The following NPFFR2 variants were observed in gnomAD, a reference collection of about 807,000 sequenced individuals.
The protein encoded by NPFFR2 is neuropeptide FF receptor 2.
Under a neutral mutation model 13.1 loss-of-function variants are expected in NPFFR2, and 15 were observed. The ratio of observed to expected loss-of-function variants is 1.15; its 90% CI spans 0.77 to 1.76. The LOEUF is 1.76. NPFFR2 is among the 40% of genes most tolerant of loss of function. The pLI is 0.00. For synonymous variants in NPFFR2, 190 were observed against 175.7 expected, an observed-to-expected ratio of 1.08 and a Z score of -0.65; for missense variants, 572 against 503.5, an observed-to-expected ratio of 1.14 and a Z score of -1.30.
intron 1 of NPFFR2, among the ~76,000 whole-genome samples, chr4:72,059,514 G>A (rs1280819996): frequency 6.6e-6 from 1 of 152,106 alleles, no homozygotes; most frequent in Non-Finnish European, 1.5e-5. Flanking sequence ...TAACAGGGAT[G>A]TAAGAGGAAT....
intron 1 of NPFFR2, among the ~76,000 whole-genome samples, chr4:72,058,434 C>A (rs1029213091): frequency 2.0e-5 from 3 of 151,448 alleles, no homozygotes; most frequent in Admixed American, 6.6e-5. Flanking sequence ...TATCTACTTA[C>A]CCCAGAGGAG....
At chr4:72,046,557 G>A (rs1245391457) in intron 1 of NPFFR2, among the ~76,000 whole-genome samples, 2 of 152,090 alleles carry the variant, frequency 1.3e-5, no homozygotes, top group African/African-American at 2.4e-5. Context: ...GTTACTCAGT[G>A]TGTGGTACTC....
chr4:72,084,157 T>C (rs1199114770), intron 1 of NPFFR2, among the ~76,000 whole-genome samples: 1 of 152,180 alleles, frequency 6.6e-6, no homozygotes, highest in Admixed American at 6.6e-5. Context: ...ATCAGAAACA[T>C]CTTTTAAAAA....
intron 1 of NPFFR2, among the ~76,000 whole-genome samples, chr4:72,108,115 T>A (rs142412785): frequency 0.018 from 2,721 of 152,030 alleles, 88 homozygotes; most frequent in African/African-American, 0.062. Flanking sequence ...TGATGAGGCC[T>A]CCAAGGAGGG....
intron 1 of NPFFR2, among the ~76,000 whole-genome samples, chr4:72,089,427 G>A (rs1560407965): frequency 6.6e-6 from 1 of 152,020 alleles, no homozygotes; most frequent in East Asian, 1.9e-4. Flanking sequence ...GTTGTACTAG[G>A]TTACATTCCC....
At chr4:72,048,776 G>T (rs1255497419) in intron 1 of NPFFR2, among the ~76,000 whole-genome samples, 1 of 151,598 alleles carries the variant, frequency 6.6e-6, no homozygotes, top group Admixed American at 6.6e-5. Context: ...TTCTCAGTAA[G>T]CATGAGTTTT....
intron 2 of NPFFR2, among the ~76,000 whole-genome samples, chr4:72,133,774 G>T (rs1722323596): frequency 6.6e-6 from 1 of 152,106 alleles, no homozygotes; most frequent in African/African-American, 2.4e-5. Context: ...TGGAAATTTT[G>T]AATGAGATTG....
intron 1 of NPFFR2, among the ~76,000 whole-genome samples, chr4:72,115,460 G>T (rs188448374): frequency 2.0e-5 from 3 of 152,280 alleles, no homozygotes; most frequent in Admixed American, 6.5e-5. Flanking sequence ...GGGAGGGCAT[G>T]GGAATAACTG....
intron 2 of NPFFR2, 22 bp downstream of exon 2, chr4:72,128,941 T>C: frequency 6.5e-7 from 1 of 1,533,322 alleles, no homozygotes; most frequent in South Asian, 1.2e-5. Context: ...TTTGTGCAGT[T>C]TGAAGATAAT....
intron 1 of NPFFR2, among the ~76,000 whole-genome samples, chr4:72,076,019 A>C: frequency 1.2e-4 from 1 of 8,264 alleles, no homozygotes; most frequent in South Asian, 3.9e-3. Flanking sequence ...AGAGAGAGAG[A>C]GGGCAGACAG....
chr4:72,038,868 A>G (rs1719112079), intron 1 of NPFFR2, among the ~76,000 whole-genome samples: 2 of 144,550 alleles, frequency 1.4e-5, no homozygotes, highest in Admixed American at 1.4e-4. Flanking sequence ...TTATATCATA[A>G]TGTTGTTTTT....
rs149231423 is a variant in NPFFR2 at position 72,101,999 on chromosome 4, A to G, written c.-7-26586A>G. Among the ~76,000 whole-genome samples the G allele has an allele frequency of 4.6e-3, 695 of 152,290 alleles. 3 individuals carry two copies. The highest frequency in any genetic ancestry group is 0.016 in the African/African-American group (664 of 41,582). ...CACAGGATATGCAGCATAGCTTATC[A>G]TATGGAAATACCATATTTCCTTGGG... On this transcript the variant is annotated intron_variant, in intron 1 of 3. Coordinates refer to ENST00000308744, the MANE Select transcript of NPFFR2 (RefSeq NM_004885.3).
At chr4:72,084,852 T>G (rs1016979599) in intron 1 of NPFFR2, among the ~76,000 whole-genome samples, 1 of 152,076 alleles carries the variant, frequency 6.6e-6, no homozygotes, top group Non-Finnish European at 1.5e-5. Context: ...CCCACAGCAC[T>G]AGGCAGCTGG....
intron 1 of NPFFR2, among the ~76,000 whole-genome samples, chr4:72,046,643 G>A (rs1040110348): frequency 1.3e-5 from 2 of 152,112 alleles, no homozygotes; most frequent in Non-Finnish European, 2.9e-5. Flanking sequence ...GTGCTGAAAA[G>A]GTGGAAGCAG....
chr4:72,102,082 A>G (rs375101375), intron 1 of NPFFR2, among the ~76,000 whole-genome samples: 5 of 152,252 alleles, frequency 3.3e-5, no homozygotes, highest in African/African-American at 9.6e-5. Context: ...TTGGAATTTT[A>G]TGTCATTTTC....
At chr4:72,070,700 A>G (rs1428109475) in intron 1 of NPFFR2, among the ~76,000 whole-genome samples, 6 of 152,144 alleles carry the variant, frequency 3.9e-5, no homozygotes, top group African/African-American at 1.4e-4. Flanking sequence ...TTGTCAGGGA[A>G]GTGGCTCCAT....
chr4:72,140,525 G>A (rs1197072905), intron 3 of NPFFR2, among the ~76,000 whole-genome samples: 1 of 152,110 alleles, frequency 6.6e-6, no homozygotes, highest in African/African-American at 2.4e-5. Context: ...ATCATGTGGT[G>A]TTTGTCATTG....
chr4:72,127,805 C>G (rs1722108030), intron 1 of NPFFR2, among the ~76,000 whole-genome samples: 2 of 152,024 alleles, frequency 1.3e-5, no homozygotes. Context: ...TCAGGCCACG[C>G]ACGGTGGCTC....
At chr4:72,095,232 T>A (rs1290126282) in intron 1 of NPFFR2, among the ~76,000 whole-genome samples, 1 of 152,232 alleles carries the variant, frequency 6.6e-6, no homozygotes, top group Non-Finnish European at 1.5e-5. Flanking sequence ...TAATTACAGA[T>A]ATGTCTGCTG....
Sources: gnomAD v4.1 joint callset for allele counts (sites outside exome capture counted in the v4.1 genomes callset) on GRCh38, gnomAD v4.1.1 for gene constraint, MANE v1.5 for transcripts, NCBI Gene and HGNC (gene_info 2026-07-23, HGNC 2026-07-21) for gene names.